The following REEP1 variants were observed in gnomAD, a reference collection of about 807,000 sequenced individuals.
REEP1 encodes the protein receptor expression-enhancing protein 1.
Under a neutral mutation model 40.3 loss-of-function variants are expected in REEP1, and 22 were observed. The observed-to-expected ratio is 0.55, with a 90% CI of 0.39 to 0.78. The LOEUF (loss-of-function observed/expected upper bound fraction) is 0.78, where lower values mean the gene tolerates loss of function less well. Ranked by LOEUF, REEP1 falls within the 30% of genes least tolerant of loss-of-function variation. The probability of loss-of-function intolerance (pLI) is 0.00; values close to 1 mark genes in which losing one functional copy is unlikely to be tolerated. For synonymous variants in REEP1, 116 were observed against 139.2 expected, an observed-to-expected ratio of 0.83 and a Z score of 1.17; for missense variants, 280 against 361.1, an observed-to-expected ratio of 0.78 and a Z score of 1.82.
chr2:86,251,843 A>G, intron 5 of REEP1, 114 bp downstream of exon 5: 1 of 813,148 alleles, frequency 1.2e-6, no homozygotes, highest in Non-Finnish European at 2.2e-6. Context: ...GACCCCTAAA[A>G]GATGAAAAAC....
intron 1 of REEP1, chr2:86,297,665 T>C (rs1053474826): frequency 6.1e-6 from 6 of 982,342 alleles, no homozygotes; most frequent in Non-Finnish European, 7.3e-6. Context: ...AAGAGAACAC[T>C]TACTTTTCCA....
At chr2:86,226,468 CTTTTTTTTTTTTT>C (rs745419771) in intron 7 of REEP1, among the ~76,000 whole-genome samples, 1 of 24,848 alleles carries the variant, frequency 4.0e-5, no homozygotes, top group African/African-American at 8.8e-5. Context: ...TTTTTCTTTT[CTTTTTTTTTTTTT>C]TTTTTTGAGA....
At chr2:86,242,878 G>GT (rs1476049494) in intron 5 of REEP1, among the ~76,000 whole-genome samples, 1 of 152,204 alleles carries the variant, frequency 6.6e-6, no homozygotes. Flanking sequence ...GGCTTGAAGA[G>GT]TAAGTGGGAG....
At chr2:86,254,379 G>C (rs1676433144) in intron 4 of REEP1, among the ~76,000 whole-genome samples, 2 of 152,262 alleles carry the variant, frequency 1.3e-5, no homozygotes, top group South Asian at 4.1e-4. Flanking sequence ...TCTATAAAAG[G>C]ACAGGGGCTA....
At chr2:86,309,825 T>C (rs1415679097) in intron 1 of REEP1, among the ~76,000 whole-genome samples, 1 of 152,164 alleles carries the variant, frequency 6.6e-6, no homozygotes, top group Non-Finnish European at 1.5e-5. Context: ...TACCATCACA[T>C]TGGGAATCAG....
At chr2:86,284,168 C>A (rs75120164) in intron 1 of REEP1, among the ~76,000 whole-genome samples, 1,552 of 152,210 alleles carry the variant, frequency 0.01, 28 homozygotes, top group African/African-American at 0.035. Flanking sequence ...CCTTGCCTGC[C>A]CCCTCCTAAG....
chr2:86,297,093 C>A (rs1009438801), intron 1 of REEP1, among the ~76,000 whole-genome samples: 2 of 152,244 alleles, frequency 1.3e-5, no homozygotes, highest in Non-Finnish European at 2.9e-5. Context: ...TCCAGGCAGG[C>A]ACTGTGCTAC....
At chr2:86,295,203 G>C (rs1433932065) in intron 1 of REEP1, among the ~76,000 whole-genome samples, 1 of 152,226 alleles carries the variant, frequency 6.6e-6, no homozygotes, top group Non-Finnish European at 1.5e-5. Context: ...GTGCGCTTCT[G>C]GCTGGAAGTT....
intron 1 of REEP1, among the ~76,000 whole-genome samples, chr2:86,319,255 T>C (rs1019259708): frequency 5.3e-5 from 8 of 152,226 alleles, no homozygotes; most frequent in Admixed American, 4.6e-4. Flanking sequence ...TTTACAGTTC[T>C]ATTAAACTCC....
At chr2:86,315,046 T>C (rs537686370) in intron 1 of REEP1, among the ~76,000 whole-genome samples, 1 of 152,134 alleles carries the variant, frequency 6.6e-6, no homozygotes, top group South Asian at 2.1e-4. Context: ...CCTGTCCTCA[T>C]GAGCTCTTCA....
chr2:86,217,782 T>C (rs1006822630), intron 8 of REEP1, among the ~76,000 whole-genome samples: 11 of 152,066 alleles, frequency 7.2e-5, no homozygotes, highest in African/African-American at 2.7e-4. Flanking sequence ...TTGTGCGTCT[T>C]GTCCACACTC....
chr2:86,233,652 C>T (rs1458525467), intron 5 of REEP1, among the ~76,000 whole-genome samples: 1 of 151,934 alleles, frequency 6.6e-6, no homozygotes, highest in African/African-American at 2.4e-5. Context: ...GCCTCAGGGG[C>T]TGCAGAGAGA....
intron 1 of REEP1, among the ~76,000 whole-genome samples, chr2:86,318,968 A>T (rs1397032872): frequency 6.6e-6 from 1 of 152,236 alleles, no homozygotes; most frequent in African/African-American, 2.4e-5. Flanking sequence ...ATTTGTAAAC[A>T]TTGATATTCG....
chr2:86,272,830 G>A (rs1423153400), intron 2 of REEP1, among the ~76,000 whole-genome samples: 1 of 152,088 alleles, frequency 6.6e-6, no homozygotes, highest in Non-Finnish European at 1.5e-5. Context: ...CAGCCAAAAT[G>A]ATTTTCTTAA....
At chr2:86,280,157 C>T in intron 2 of REEP1, 1 of 414,616 alleles carries the variant, frequency 2.4e-6, no homozygotes, top group Non-Finnish European at 4.8e-6. Context: ...GAAAGGACTG[C>T]AGGAAGGAAA....
At chr2:86,286,004 C>T (rs1047327099) in intron 1 of REEP1, among the ~76,000 whole-genome samples, 3 of 152,138 alleles carry the variant, frequency 2.0e-5, no homozygotes, top group African/African-American at 7.2e-5. Context: ...GGAGCTTGCA[C>T]CTCACAGCTC....
chr2:86,233,528 G>T (rs1203301711), intron 5 of REEP1, among the ~76,000 whole-genome samples: 1 of 152,160 alleles, frequency 6.6e-6, no homozygotes, highest in East Asian at 1.9e-4. Flanking sequence ...TAGAAAGCAA[G>T]ATCAATCCAT....
chr2:86,222,511 G>A (rs1405867799), intron 7 of REEP1, among the ~76,000 whole-genome samples: 1 of 152,232 alleles, frequency 6.6e-6, no homozygotes, highest in East Asian at 1.9e-4. Context: ...GAACCAGTGA[G>A]AATAAACATT....
At chr2:86,319,702 A>G (rs1680196012) in intron 1 of REEP1, among the ~76,000 whole-genome samples, 1 of 152,190 alleles carries the variant, frequency 6.6e-6, no homozygotes, top group Non-Finnish European at 1.5e-5. Context: ...CAAAGAAGAA[A>G]AGAACGAAAA....
Sources: allele counts gnomAD v4.1 joint callset (sites outside exome capture counted in the v4.1 genomes callset), GRCh38; gene constraint gnomAD v4.1.1; transcripts MANE v1.5; gene names NCBI Gene and HGNC (gene_info 2026-07-23, HGNC 2026-07-21).